PTPN14: variants seen among roughly 807,000 people sequenced by gnomAD.
PTPN14 encodes the protein protein tyrosine phosphatase non-receptor type 14, also known as tyrosine-protein phosphatase non-receptor type 14.
In PTPN14, 53 loss-of-function variants were observed where a neutral mutation model predicts 126.8. The observed-to-expected ratio is 0.42, with a 90% confidence interval of 0.34 to 0.53. The LOEUF (loss-of-function observed/expected upper bound fraction) is 0.53, where lower values mean the gene tolerates loss of function less well. PTPN14 is among the 20% of genes least tolerant of loss of function. PTPN14 has a pLI of 0.08. For missense variants in PTPN14, 1,257 were observed against 1,552.9 expected, an observed-to-expected ratio of 0.81 and a Z score of 3.20; for synonymous variants, 630 against 599.3, an observed-to-expected ratio of 1.05 and a Z score of -0.75.
intron 2 of PTPN14, among the ~76,000 whole-genome samples, chr1:214,464,349 A>G (rs1192139602): frequency 6.6e-6 from 1 of 151,618 alleles, no homozygotes; most frequent in Non-Finnish European, 1.5e-5. Flanking sequence ...TGGTGGGGAG[A>G]GTCTCTCATT....
Position 214,351,473 on chromosome 1 carries a change from T to C in PTPN14, c.*6449A>G, listed in dbSNP as rs1657708042. 6.6e-6 allele frequency: 1 copy of C among 152,080 alleles called. No individual in the cohort carries two copies. Among genetic ancestry groups the C allele is most frequent in the Non-Finnish European group, 1.5e-5 (1 of 68,036 alleles). 9.4% of individuals were successfully genotyped at this position (152,080 alleles called of 1,614,324 possible). The stretch of plus-strand genomic sequence containing the variant: ...TTGTGGCCTGAATAGAAACATGACT[T>C]GCTCTAAAGGGGAATGTCCTCTGCA... On this transcript the variant is annotated 3_prime_UTR_variant, in exon 19 of 19. Coordinates refer to ENST00000366956, the MANE Select transcript of PTPN14 (RefSeq NM_005401.5).
intron 1 of PTPN14, among the ~76,000 whole-genome samples, chr1:214,468,103 G>C (rs1660680741): frequency 6.6e-6 from 1 of 152,166 alleles, no homozygotes; most frequent in South Asian, 2.1e-4. Context: ...ACAGAAATTA[G>C]ATGATATTAA....
At chr1:214,505,577 G>C (rs1238872763) in intron 1 of PTPN14, among the ~76,000 whole-genome samples, 1 of 152,190 alleles carries the variant, frequency 6.6e-6, no homozygotes, top group Non-Finnish European at 1.5e-5. Context: ...ACAAAGAAAA[G>C]AGCTCAGCCT....
intron 1 of PTPN14, among the ~76,000 whole-genome samples, chr1:214,501,452 G>A (rs1361517107): frequency 6.6e-6 from 1 of 152,006 alleles, no homozygotes; most frequent in African/African-American, 2.4e-5. Flanking sequence ...ATGTTGGGCA[G>A]GCTGGTCTTG....
chr1:214,520,071 T>C lies in PTPN14; in HGVS notation c.-155+31112A>G, dbSNP rs35489560. On this transcript the variant is annotated intron_variant, in intron 1 of 18. Coordinates refer to ENST00000366956, the MANE Select transcript of PTPN14 (RefSeq NM_005401.5). ...TCAAAAAAAAAAAAAAAAAAATATA[T>C]ATATATATATATGCAGAATATATGC... Among the ~76,000 whole-genome samples the C allele has an allele frequency of 9.0e-4, 107 of 119,134 alleles. 1 individual carries two copies. Among genetic ancestry groups the C allele is most frequent in the Admixed American group, 1.4e-3 (17 of 11,988 alleles). 78.2% of individuals were successfully genotyped at this position (119,134 alleles called of 152,430 possible). A position where few individuals can be genotyped will look rare whatever the true frequency, so the allele number is the denominator to read the frequency against.
intron 3 of PTPN14, among the ~76,000 whole-genome samples, chr1:214,434,256 T>C (rs981142451): frequency 2.2e-4 from 33 of 151,798 alleles, no homozygotes; most frequent in African/African-American, 7.8e-4. Context: ...AAGATGAAAA[T>C]AGGCAGGTCA....
chr1:214,435,393 T>G (rs1389748401), intron 3 of PTPN14, among the ~76,000 whole-genome samples: 1 of 152,070 alleles, frequency 6.6e-6, no homozygotes, highest in Admixed American at 6.6e-5. Context: ...GTTATAATTA[T>G]GTTATAATTA....
intron 1 of PTPN14, among the ~76,000 whole-genome samples, chr1:214,534,244 C>T (rs1295251715): frequency 6.6e-6 from 1 of 152,172 alleles, no homozygotes; most frequent in Non-Finnish European, 1.5e-5. Context: ...CAATTCTTGC[C>T]TCTAACCCAC....
At chr1:214,455,054 G>A (rs1660353750) in intron 2 of PTPN14, among the ~76,000 whole-genome samples, 1 of 152,156 alleles carries the variant, frequency 6.6e-6, no homozygotes. Context: ...CTACTCTGGA[G>A]TAGAAAGACC....
intron 1 of PTPN14, among the ~76,000 whole-genome samples, chr1:214,474,941 G>A (rs1484020410): frequency 6.6e-6 from 1 of 152,204 alleles, no homozygotes; most frequent in African/African-American, 2.4e-5. Flanking sequence ...TTCCTCTGAA[G>A]GCATTCTAAG....
intron 11 of PTPN14, 142 bp downstream of exon 11, chr1:214,390,846 G>A (rs374694520): frequency 5.3e-5 from 31 of 582,656 alleles, no homozygotes; most frequent in South Asian, 4.2e-4. Flanking sequence ...GGTGTCCATC[G>A]CATCTGCTTG....
At chr1:214,520,065 A>AAAAAAAAAAAAAATATAT in intron 1 of PTPN14, among the ~76,000 whole-genome samples, 1 of 71,112 alleles carries the variant, frequency 1.4e-5, no homozygotes, top group African/African-American at 7.3e-5. Context: ...AAAAAAAAAA[A>AAAAAAAAAAAAAATATAT]ATATATATAT....
At chr1:214,529,652 G>A (rs970629312) in intron 1 of PTPN14, 2 of 152,312 alleles carry the variant, frequency 1.3e-5, no homozygotes, top group Non-Finnish European at 2.9e-5. Flanking sequence ...GGGAGACTGA[G>A]GCAGGCAGAT....
At chr1:214,417,960 T>C (rs1353492408) in intron 3 of PTPN14, among the ~76,000 whole-genome samples, 1 of 152,214 alleles carries the variant, frequency 6.6e-6, no homozygotes, top group African/African-American at 2.4e-5. Flanking sequence ...ATGCTCAGCG[T>C]AAGTCACAGG....
chr1:214,515,185 T>G (rs1396919317), intron 1 of PTPN14, among the ~76,000 whole-genome samples: 4 of 152,216 alleles, frequency 2.6e-5, no homozygotes, highest in Admixed American at 2.6e-4. Flanking sequence ...AAAGCCTTAT[T>G]TCAGTGATTA....
intron 3 of PTPN14, among the ~76,000 whole-genome samples, chr1:214,417,845 T>C (rs1362370424): frequency 6.6e-6 from 1 of 152,070 alleles, no homozygotes; most frequent in Admixed American, 6.5e-5. Flanking sequence ...GAAATCTTCA[T>C]TCCAAGTCCA....
chr1:214,508,128 T>C (rs1341945105), intron 1 of PTPN14, among the ~76,000 whole-genome samples: 1 of 152,192 alleles, frequency 6.6e-6, no homozygotes, highest in African/African-American at 2.4e-5. Context: ...CTGCTGGAAG[T>C]TGGGTGGCTA....
At chr1:214,388,542 G>T (rs1394230505) in intron 11 of PTPN14, among the ~76,000 whole-genome samples, 1 of 152,052 alleles carries the variant, frequency 6.6e-6, no homozygotes, top group African/African-American at 2.4e-5. Context: ...TAGTAGCTGG[G>T]ATTACAGACG....
At chr1:214,530,777 C>T (rs927360869) in intron 1 of PTPN14, 30 of 145,728 alleles carry the variant, frequency 2.1e-4, no homozygotes, top group African/African-American at 6.5e-4. Flanking sequence ...ACGACGAGTA[C>T]GATAACCTTT....
Sources: gnomAD v4.1 joint callset for allele counts (sites outside exome capture counted in the v4.1 genomes callset) on GRCh38, gnomAD v4.1.1 for gene constraint, MANE v1.5 for transcripts, NCBI Gene and HGNC (gene_info 2026-07-23, HGNC 2026-07-21) for gene names.